TRHDE: variants seen among roughly 807,000 people sequenced by gnomAD.
The protein encoded by TRHDE is thyrotropin releasing hormone degrading enzyme, also known as thyrotropin-releasing hormone-degrading ectoenzyme.
Under a neutral mutation model 125.7 loss-of-function variants are expected in TRHDE, and 72 were observed. The observed-to-expected ratio is 0.57, with a 90% CI of 0.47 to 0.70. The LOEUF (loss-of-function observed/expected upper bound fraction) is 0.70. Among genes scored for constraint, TRHDE ranks in the 30% least tolerant of loss-of-function variants. TRHDE has a pLI of 0.00. For missense variants in TRHDE, 1,110 were observed against 1,327.1 expected, an observed-to-expected ratio of 0.84 and a Z score of 2.54; for synonymous variants, 509 against 509.1, an observed-to-expected ratio of 1.00 and a Z score of 0.00.
At chr12:72,210,914 C>T (rs1228909475) in intron 2 of TRHDE, among the ~76,000 whole-genome samples, 2 of 152,126 alleles carry the variant, frequency 1.3e-5, no homozygotes, top group Non-Finnish European at 2.9e-5. Flanking sequence ...CTCAACATAA[C>T]ATTCATAAGG....
chr12:72,383,814 A>G (rs1003798762), intron 3 of TRHDE, among the ~76,000 whole-genome samples: 1 of 151,826 alleles, frequency 6.6e-6, no homozygotes, highest in Non-Finnish European at 1.5e-5. Flanking sequence ...TAGATTTGGA[A>G]TTCAAACCCA....
chr12:72,634,070 T>C (rs1353267483), intron 15 of TRHDE, among the ~76,000 whole-genome samples: 2 of 152,232 alleles, frequency 1.3e-5, no homozygotes, highest in African/African-American at 2.4e-5. Context: ...ACCCTTTATA[T>C]ACACTAGGCC....
At chr12:72,298,371 C>A (rs535110811) in intron 2 of TRHDE, among the ~76,000 whole-genome samples, 89 of 152,206 alleles carry the variant, frequency 5.8e-4, no homozygotes, top group African/African-American at 2.1e-3. Context: ...AGTTGCCAGT[C>A]CAGTTGTCTC....
Position 72,308,136 on chromosome 12 carries a change from A to G in TRHDE, c.1188+21182A>G, listed in dbSNP as rs186163878. ...TATGGAGGGAGGAACTAGCGAGACT[A>G]TAAGTTGGGCTCTCAGAGCAGTGTA... On this transcript the variant is annotated intron_variant, in intron 2 of 18. Coordinates refer to ENST00000261180, the MANE Select transcript of TRHDE (RefSeq NM_013381.3). Among the ~76,000 whole-genome samples the G allele has an allele frequency of 4.7e-3, 718 of 151,690 alleles. 11 individuals carry two copies. Among genetic ancestry groups the G allele is most frequent in the African/African-American group, 0.016 (660 of 41,312 alleles).
intron 12 of TRHDE, among the ~76,000 whole-genome samples, chr12:72,600,155 G>C (rs1425803122): frequency 6.6e-6 from 1 of 151,816 alleles, no homozygotes; most frequent in Non-Finnish European, 1.5e-5. Context: ...CTTAGATTTG[G>C]TCTTATAGTA....
intron 2 of TRHDE, among the ~76,000 whole-genome samples, chr12:72,152,576 T>C (rs1317507448): frequency 6.6e-6 from 1 of 152,254 alleles, no homozygotes; most frequent in Non-Finnish European, 1.5e-5. Context: ...GTCCCATCAA[T>C]ACCTAATTTA....
intron 3 of TRHDE, among the ~76,000 whole-genome samples, chr12:72,430,690 A>G (rs1460740596): frequency 6.6e-6 from 1 of 151,752 alleles, no homozygotes; most frequent in Non-Finnish European, 1.5e-5. Context: ...AAGTGTTACT[A>G]CTCCAACTTT....
intron 7 of TRHDE, among the ~76,000 whole-genome samples, chr12:72,548,096 G>A (rs918027829): frequency 6.6e-5 from 10 of 151,680 alleles, no homozygotes; most frequent in Non-Finnish European, 1.2e-4. Context: ...TGTAACATTG[G>A]GGTGGAATAT....
Position 72,322,181 on chromosome 12 carries a change from A to C in TRHDE, c.1188+35227A>C, listed in dbSNP as rs564721702. On this transcript the variant is annotated intron_variant, in intron 2 of 18. Transcript: ENST00000261180. ...CAAAAAATTTGAGTCACCTGAAGTC[A>C]ATATTCTCAGCTGAGGTCGAACAAG... Among the ~76,000 whole-genome samples, 160 of 152,270 alleles carry C rather than the reference A, an allele frequency of 1.1e-3. 1 individual carries two copies. The highest frequency in any genetic ancestry group is 3.6e-3 in the African/African-American group (149 of 41,576).
At chr12:72,581,338 T>A (rs1214133619) in intron 12 of TRHDE, among the ~76,000 whole-genome samples, 1 of 152,260 alleles carries the variant, frequency 6.6e-6, no homozygotes, top group Admixed American at 6.5e-5. Context: ...TAAATGTGCA[T>A]ATCACTGGGT....
intron 14 of TRHDE, chr12:72,621,428 T>C (rs1203255223): frequency 3.4e-6 from 2 of 580,352 alleles, no homozygotes; most frequent in Non-Finnish European, 6.0e-6. Flanking sequence ...TCTACCTTTA[T>C]TGGTGATATT....
intron 2 of TRHDE, among the ~76,000 whole-genome samples, chr12:72,179,236 T>A (rs1877048252): frequency 6.6e-6 from 1 of 152,008 alleles, no homozygotes; most frequent in African/African-American, 2.4e-5. Flanking sequence ...CAGAAACGAG[T>A]AACAACTGCA....
chr12:72,441,349 T>A (rs1284948961), intron 3 of TRHDE, among the ~76,000 whole-genome samples: 1 of 151,892 alleles, frequency 6.6e-6, no homozygotes, highest in African/African-American at 2.4e-5. Flanking sequence ...TAAAATTGAC[T>A]AATAATAACT....
In TRHDE at chr12:72,191,760, CA is replaced by C. The variant is rs571128379; in HGVS notation, n.279+86010del. Reference sequence around the variant, plus strand: ...AATAATAAAAAATGTTTAGAGATGTCAACATGGTATTTTGTGATTCATGGAA... The same window carrying C: ...AATAATAAAAAATGTTTAGAGATGTCACATGGTATTTTGTGATTCATGGAA... On this transcript the variant is annotated intron_variant and non_coding_transcript_variant, in intron 2 of 4. Transcript: ENST00000548156. Among the ~76,000 whole-genome samples, 1,431 of 152,132 alleles carry C rather than the reference CA, an allele frequency of 9.4e-3. 34 individuals carry two copies. The highest frequency in any genetic ancestry group is 0.034 in the African/African-American group (1,398 of 41,480).
chr12:72,376,284 G>T (rs976623507), intron 2 of TRHDE, among the ~76,000 whole-genome samples: 2 of 152,078 alleles, frequency 1.3e-5, no homozygotes, highest in Admixed American at 1.3e-4. Flanking sequence ...CCATTCTCCT[G>T]TAAGTTTCTC....
chr12:72,596,110 A>T (rs148764269), intron 12 of TRHDE, among the ~76,000 whole-genome samples: 3 of 152,206 alleles, frequency 2.0e-5, no homozygotes, highest in Non-Finnish European at 2.9e-5. Flanking sequence ...TCTACGTAAT[A>T]TATTCTTTCC....
At chr12:72,581,567 C>T (rs1871227728) in intron 12 of TRHDE, among the ~76,000 whole-genome samples, 2 of 152,070 alleles carry the variant, frequency 1.3e-5, no homozygotes, top group South Asian at 2.1e-4. Context: ...AAAACACGTG[C>T]ATATCTATTG....
intron 3 of TRHDE, among the ~76,000 whole-genome samples, chr12:72,440,351 A>G (rs144266969): frequency 2.5e-4 from 38 of 152,006 alleles, no homozygotes; most frequent in African/African-American, 9.2e-4. Flanking sequence ...AAGTGAAATC[A>G]TTAGGTCATA....
At position 72,657,028 on chromosome 12, in the gene TRHDE, G is replaced by A; in HGVS notation, c.3066+20G>A. 7.0e-7 allele frequency: 1 copy of A among 1,427,546 alleles called. No individual in the cohort carries two copies. Among genetic ancestry groups the A allele is most frequent in the South Asian group, 1.2e-5 (1 of 83,232 alleles). 88.4% of individuals were successfully genotyped at this position (1,427,546 alleles called of 1,614,324 possible). A position where few individuals can be genotyped will look rare whatever the true frequency, so the allele number is the denominator to read the frequency against. ...AAAGAGGTAAATATTTTAAGATGAA[G>A]TCTAATTATTTTCTTTTATAAACAT... On this transcript the variant is annotated intron_variant, in intron 18 of 18. Coordinates refer to ENST00000261180, the MANE Select transcript of TRHDE (RefSeq NM_013381.3).
Sources: gnomAD v4.1 joint callset for allele counts (sites outside exome capture counted in the v4.1 genomes callset) on GRCh38, gnomAD v4.1.1 for gene constraint, MANE v1.5 for transcripts, NCBI Gene and HGNC (gene_info 2026-07-23, HGNC 2026-07-21) for gene names.